The following SCMH1 variants were observed in gnomAD, a reference collection of about 807,000 sequenced individuals.
The protein encoded by SCMH1 is polycomb protein SCMH1.
In SCMH1, 37 loss-of-function variants were observed where a neutral mutation model predicts 70.8. The observed-to-expected ratio is 0.52, with a 90% CI of 0.40 to 0.69. The LOEUF (loss-of-function observed/expected upper bound fraction) is 0.69. Among genes scored for constraint, SCMH1 ranks in the 30% least tolerant of loss-of-function variants. SCMH1 has a pLI of 0.00. For missense variants in SCMH1, 607 were observed against 827.3 expected, an observed-to-expected ratio of 0.73 and a Z score of 3.27; for synonymous variants, 292 against 307.4, an observed-to-expected ratio of 0.95 and a Z score of 0.52.
intron 6 of SCMH1, among the ~76,000 whole-genome samples, chr1:41,133,218 A>G (rs987242124): frequency 2.0e-5 from 3 of 152,062 alleles, no homozygotes; most frequent in African/African-American, 7.2e-5. Flanking sequence ...TATTTCGTTG[A>G]GCAGTGGTTT....
chr1:41,028,605 G>A (rs769223096), exon 14 of SCMH1: 9 of 1,614,050 alleles, frequency 5.6e-6, no homozygotes, highest in South Asian at 1.1e-5. Context: ...ACAGGTCAGC[G>A]TGGGGTCCAA....
chr1:41,156,504 A>G (rs1353314124), intron 4 of SCMH1, among the ~76,000 whole-genome samples: 2 of 152,124 alleles, frequency 1.3e-5, no homozygotes, highest in Non-Finnish European at 2.9e-5. Context: ...AGTGGTGTGA[A>G]CACAGCTAAT....
At chr1:41,210,913 G>A (rs1268604205) in intron 1 of SCMH1, among the ~76,000 whole-genome samples, 1 of 151,666 alleles carries the variant, frequency 6.6e-6, no homozygotes, top group African/African-American at 2.4e-5. Flanking sequence ...TGGCTCAAGC[G>A]ATTCTCCTGC....
At chr1:41,050,927 CTT>C (rs1647891947) in intron 10 of SCMH1, among the ~76,000 whole-genome samples, 1 of 152,034 alleles carries the variant, frequency 6.6e-6, no homozygotes, top group African/African-American at 2.4e-5. Flanking sequence ...TAATGTGACT[CTT>C]TTACTGAAAT....
intron 1 of SCMH1, among the ~76,000 whole-genome samples, chr1:41,211,511 A>G (rs1184858129): frequency 6.6e-6 from 1 of 152,226 alleles, no homozygotes; most frequent in Non-Finnish European, 1.5e-5. Context: ...AAAAGACAGG[A>G]AACAACAGAT....
intron 13 of SCMH1, among the ~76,000 whole-genome samples, chr1:41,031,365 GC>G (rs1644494949): frequency 2.6e-5 from 4 of 152,068 alleles, no homozygotes; most frequent in Non-Finnish European, 4.4e-5. Context: ...AAGTAAAAGG[GC>G]CTAATATTTA....
At chr1:41,147,656 G>C (rs995596722) in intron 5 of SCMH1, among the ~76,000 whole-genome samples, 1 of 151,872 alleles carries the variant, frequency 6.6e-6, no homozygotes, top group Non-Finnish European at 1.5e-5. Flanking sequence ...TCTGACTATA[G>C]ATAATTTTGG....
At chr1:41,179,954 A>G (rs1229195569) in intron 2 of SCMH1, among the ~76,000 whole-genome samples, 6 of 152,214 alleles carry the variant, frequency 3.9e-5, no homozygotes, top group South Asian at 4.1e-4. Flanking sequence ...ACATTGATGC[A>G]AAAATCCTCA....
intron 2 of SCMH1, among the ~76,000 whole-genome samples, chr1:41,173,801 G>T (rs987971206): frequency 6.6e-6 from 1 of 152,116 alleles, no homozygotes; most frequent in East Asian, 1.9e-4. Flanking sequence ...ATGAAATTTT[G>T]TAATTTGTGG....
chr1:41,209,144 C>T (rs983906129), intron 1 of SCMH1, among the ~76,000 whole-genome samples: 2 of 152,152 alleles, frequency 1.3e-5, no homozygotes, highest in African/African-American at 4.8e-5. Flanking sequence ...TGGACACATA[C>T]ACCCTCCCAA....
chr1:41,164,937 CATT>C (rs1393004942), intron 2 of SCMH1, among the ~76,000 whole-genome samples: 2 of 151,972 alleles, frequency 1.3e-5, no homozygotes, highest in African/African-American at 4.8e-5. Context: ...ATACATAATA[CATT>C]ATTATTAACT....
At chr1:41,160,722 TGGGATAATTA>T (rs897717745) in intron 4 of SCMH1, among the ~76,000 whole-genome samples, 143 bp downstream of exon 4, 1 of 152,178 alleles carries the variant, frequency 6.6e-6, no homozygotes, top group Non-Finnish European at 1.5e-5. Flanking sequence ...ATGAAGTACA[TGGGATAATTA>T]GGCAGACAAG....
chr1:41,225,863 G>A (rs958046585), intron 1 of SCMH1, among the ~76,000 whole-genome samples: 2 of 152,138 alleles, frequency 1.3e-5, no homozygotes, highest in African/African-American at 4.8e-5. Context: ...GCAGACTAGC[G>A]CTTTTTAAGC....
chr1:41,061,162 T>C (rs1046602045), intron 10 of SCMH1, among the ~76,000 whole-genome samples: 3 of 152,214 alleles, frequency 2.0e-5, no homozygotes, highest in Non-Finnish European at 2.9e-5. Context: ...ATTTAGTTTA[T>C]AGTTTAAACG....
intron 6 of SCMH1, among the ~76,000 whole-genome samples, chr1:41,134,994 T>C (rs1335337240): frequency 6.6e-6 from 1 of 152,226 alleles, no homozygotes; most frequent in Non-Finnish European, 1.5e-5. Flanking sequence ...ATTAATGATT[T>C]TTCTAAAGTT....
intron 2 of SCMH1, among the ~76,000 whole-genome samples, chr1:41,184,557 A>G (rs747176715): frequency 1.3e-5 from 2 of 152,208 alleles, no homozygotes; most frequent in Non-Finnish European, 2.9e-5. Flanking sequence ...CCCCTGTTCT[A>G]GCTTACATGC....
chr1:41,048,696 T>C, exon 11 of SCMH1: 1 of 1,613,936 alleles, frequency 6.2e-7, no homozygotes. Flanking sequence ...TTACCTGAGA[T>C]AACCTCACCA....
At chr1:41,053,989 C>T (rs1239606025) in intron 10 of SCMH1, among the ~76,000 whole-genome samples, 9 of 152,060 alleles carry the variant, frequency 5.9e-5, no homozygotes, top group Non-Finnish European at 1.0e-4. Context: ...GGACTACAGG[C>T]GCCCGCCACC....
At chr1:41,100,106 C>T (rs780976036) in intron 8 of SCMH1, among the ~76,000 whole-genome samples, 3 of 151,982 alleles carry the variant, frequency 2.0e-5, no homozygotes, top group African/African-American at 4.8e-5. Flanking sequence ...AGGTAGGCTT[C>T]TATGTTTTTA....
Sources: gnomAD v4.1 joint callset for allele counts (sites outside exome capture counted in the v4.1 genomes callset) on GRCh38, gnomAD v4.1.1 for gene constraint, MANE v1.5 for transcripts, NCBI Gene and HGNC (gene_info 2026-07-23, HGNC 2026-07-21) for gene names.